USP13: variants seen among roughly 807,000 people sequenced by gnomAD.
USP13 encodes ubiquitin carboxyl-terminal hydrolase 13.
USP13 carries 68 observed loss-of-function variants against 107.8 expected under a neutral mutation model. That is an observed-to-expected ratio of 0.63 (90% CI 0.52 to 0.77). USP13 has a LOEUF of 0.77. Ranked by LOEUF, USP13 falls within the 30% of genes least tolerant of loss-of-function variation. The pLI is 0.00. For synonymous variants in USP13, 377 were observed against 389.5 expected (o/e 0.97, Z 0.38); for missense variants, 945 against 1,093.3 (o/e 0.86, Z 1.91).
At chr3:179,735,828 T>G (rs897616682) in intron 10 of USP13, among the ~76,000 whole-genome samples, 3 of 152,144 alleles carry the variant, frequency 2.0e-5, no homozygotes, top group Non-Finnish European at 2.9e-5. Flanking sequence ...AAACCAGGAC[T>G]TTGAGACCAA....
At position 179,655,569 on chromosome 3, in the gene USP13, T is replaced by G. The variant is rs536382551; in HGVS notation, c.168+2176T>G. On this transcript the variant is annotated intron_variant, in intron 1 of 20. Transcript: ENST00000263966. Reference sequence around the variant, plus strand: ...GAAGGTTTTTTTTGTTTTGTTTTGTTTTTTTTTTGAGTTTTGCTCTTGTTG... The same window carrying G: ...GAAGGTTTTTTTTGTTTTGTTTTGTGTTTTTTTTGAGTTTTGCTCTTGTTG... 8.0e-3 allele frequency among the ~76,000 whole-genome samples: 1,180 copies of G among 148,166 alleles called. 55 individuals carry two copies. The highest frequency in any genetic ancestry group is 0.029 in the African/African-American group (1,117 of 39,010).
At chr3:179,734,860 T>C (rs1172053493) in intron 10 of USP13, among the ~76,000 whole-genome samples, 1 of 152,224 alleles carries the variant, frequency 6.6e-6, no homozygotes, top group African/African-American at 2.4e-5. Context: ...TCTGTGCAAG[T>C]ATTGCTGTGA....
Position 179,720,563 on chromosome 3 carries a change from C to T in USP13, c.900+529C>T, listed in dbSNP as rs58769817. On this transcript the variant is annotated intron_variant, in intron 7 of 20. Coordinates refer to ENST00000263966, the MANE Select transcript of USP13 (RefSeq NM_003940.3). ...TAAGGAACTATTTCAATGTGCGTTTCGTTTTAGCCCTTTCCTTCCAGGTCG... is the reference window on the plus strand; with the variant it reads ...TAAGGAACTATTTCAATGTGCGTTTTGTTTTAGCCCTTTCCTTCCAGGTCG... Among the ~76,000 whole-genome samples the T allele has an allele frequency of 2.0e-3, 301 of 152,234 alleles. 5 individuals are homozygous for T. The East Asian group carries it at 0.044, about 22-fold the overall frequency.
At chr3:179,760,019 T>C (rs1485237117) in intron 16 of USP13, among the ~76,000 whole-genome samples, 1 of 152,206 alleles carries the variant, frequency 6.6e-6, no homozygotes, top group East Asian at 1.9e-4. Context: ...GCTATTTCTC[T>C]TCTCGGTTCT....
intron 3 of USP13, among the ~76,000 whole-genome samples, chr3:179,692,909 G>T (rs145403363): frequency 1.3e-5 from 2 of 152,062 alleles, no homozygotes; most frequent in African/African-American, 2.4e-5. Flanking sequence ...CCATTCTTCC[G>T]TAGGGGACTA....
At chr3:179,694,244 G>T in intron 3 of USP13, among the ~76,000 whole-genome samples, 1 of 152,152 alleles carries the variant, frequency 6.6e-6, no homozygotes, top group East Asian at 1.9e-4. Context: ...CAGAATGCTG[G>T]GATTACAGAT....
At chr3:179,658,680 T>C (rs1720363030) in intron 1 of USP13, among the ~76,000 whole-genome samples, 2 of 152,122 alleles carry the variant, frequency 1.3e-5, no homozygotes, top group South Asian at 4.1e-4. Context: ...ACTCCTTGGG[T>C]AACTGCAGAA....
chr3:179,720,077 G>C, intron 7 of USP13, 43 bp downstream of exon 7: 1 of 1,490,150 alleles, frequency 6.7e-7, no homozygotes, highest in Non-Finnish European at 9.2e-7. Context: ...GCATGGGGTA[G>C]GGGTGGGGAG....
rs527623968 is a variant in USP13, at chr3:179,706,208, TG to T, written c.478-725del. 2.2e-3 allele frequency among the ~76,000 whole-genome samples: 335 copies of T among 152,374 alleles called. 2 individuals carry two copies. The highest frequency in any genetic ancestry group is 0.02 in the Middle Eastern group (6 of 294). On this transcript the variant is annotated intron_variant, in intron 4 of 20. Transcript: ENST00000263966. The stretch of plus-strand genomic sequence containing the variant: ...CCAAAGTGGCTGTACCAGTTTACTT[TG>T]CAACCACAATGTAAGTTTTTAAAAG...
intron 15 of USP13, among the ~76,000 whole-genome samples, chr3:179,756,138 G>C (rs138600454): frequency 1.4e-3 from 211 of 152,258 alleles, no homozygotes; most frequent in Non-Finnish European, 1.0e-3. Context: ...TAGAAATACA[G>C]AGAGGGCCAG....
intron 19 of USP13, among the ~76,000 whole-genome samples, chr3:179,774,632 G>A (rs773363083): frequency 3.3e-5 from 5 of 152,228 alleles, no homozygotes; most frequent in Non-Finnish European, 7.3e-5. Flanking sequence ...CATAAAGGTA[G>A]TGGAGACCCA....
chr3:179,751,468 C>T (rs552434284), intron 13 of USP13, among the ~76,000 whole-genome samples: 33 of 152,072 alleles, frequency 2.2e-4, no homozygotes, highest in East Asian at 1.9e-4. Context: ...GTAAGCCCTT[C>T]GTCCGCCAAC....
intron 6 of USP13, among the ~76,000 whole-genome samples, chr3:179,715,367 CTT>C (rs71182513): frequency 5.9e-5 from 8 of 136,290 alleles, no homozygotes; most frequent in African/African-American, 8.0e-5. Context: ...ATTTTTCTTT[CTT>C]TTTTTTTTTT....
In USP13 at chr3:179,768,549, G is replaced by A. The variant is rs1576989823; in HGVS notation, c.2413+2701G>A. 7.2e-5 allele frequency among the ~76,000 whole-genome samples: 11 copies of A among 152,314 alleles called. 1 individual carries two copies. In the South Asian group the frequency reaches 2.3e-3, roughly 32 times the overall value. On this transcript the variant is annotated intron_variant, in intron 19 of 20. Coordinates refer to ENST00000263966, the MANE Select transcript of USP13 (RefSeq NM_003940.3). The stretch of plus-strand genomic sequence containing the variant: ...GCATGCAAGATATGCAGGATATAAA[G>A]GCAGTAGTAGATGAAACATTTAATT...
intron 2 of USP13, among the ~76,000 whole-genome samples, chr3:179,683,553 C>A (rs1711751839): frequency 6.6e-6 from 1 of 152,138 alleles, no homozygotes; most frequent in Non-Finnish European, 1.5e-5. Context: ...TGGTAGCAGG[C>A]AAAGAGAGAG....
intron 3 of USP13, 65 bp from the exon 4 acceptor site, chr3:179,700,943 G>C (rs942076813): frequency 5.1e-5 from 78 of 1,537,714 alleles, no homozygotes; most frequent in Non-Finnish European, 6.5e-5. Context: ...TTTCCAGTGA[G>C]TGCTGCCATA....
chr3:179,693,916 T>C (rs1376068777), intron 3 of USP13, among the ~76,000 whole-genome samples: 1 of 151,540 alleles, frequency 6.6e-6, no homozygotes, highest in Non-Finnish European at 1.5e-5. Context: ...TGACCTCAGG[T>C]GGTCTGCCCA....
chr3:179,728,134 C>T (rs1183468433), intron 8 of USP13, among the ~76,000 whole-genome samples: 3 of 125,636 alleles, frequency 2.4e-5, no homozygotes, highest in South Asian at 2.9e-4. Flanking sequence ...TCCTCACTTC[C>T]CAGTAGGGGC....
chr3:179,765,589 C>T (rs1715145559), intron 18 of USP13, 106 bp from the exon 19 acceptor site: 1 of 1,380,034 alleles, frequency 7.2e-7, no homozygotes, highest in Non-Finnish European at 9.8e-7. Flanking sequence ...CTAATTAATT[C>T]AGACCTCCTT....
Sources: allele counts gnomAD v4.1 joint callset (sites outside exome capture counted in the v4.1 genomes callset), GRCh38; gene constraint gnomAD v4.1.1; transcripts MANE v1.5; gene names NCBI Gene and HGNC (gene_info 2026-07-23, HGNC 2026-07-21).